TTC39A: variants seen among roughly 807,000 people sequenced by gnomAD.
The protein encoded by TTC39A is tetratricopeptide repeat protein 39A.
TTC39A carries 46 observed loss-of-function variants against 82.3 expected under a neutral mutation model. That is an observed-to-expected ratio of 0.56 (90% confidence interval 0.44 to 0.71). The LOEUF is 0.71. TTC39A is among the 30% of genes least tolerant of loss of function. The pLI, the probability that TTC39A is intolerant of heterozygous loss-of-function variation, is 0.00. For synonymous variants in TTC39A, 254 were observed against 275.2 expected, an observed-to-expected ratio of 0.92 and a Z score of 0.76; for missense variants, 543 against 712.9, an observed-to-expected ratio of 0.76 and a Z score of 2.71.
intron 2 of TTC39A, among the ~76,000 whole-genome samples, chr1:51,320,615 C>A (rs1645475215): frequency 2.0e-5 from 3 of 151,348 alleles, no homozygotes; most frequent in Admixed American, 2.0e-4. Context: ...CCACACCCAG[C>A]TAATTTTTTG....
chr1:51,309,744 G>A (rs930429631), intron 5 of TTC39A, among the ~76,000 whole-genome samples: 2 of 152,128 alleles, frequency 1.3e-5, no homozygotes, highest in Non-Finnish European at 2.9e-5. Context: ...TACACCCAAC[G>A]GAAACGGATG....
Position 51,321,905 on chromosome 1 carries a change from G to C in TTC39A, c.42-80C>G, listed in dbSNP as rs1645536652. On this transcript the variant is annotated intron_variant, in intron 1 of 17. Coordinates refer to ENST00000680483, the MANE Select transcript of TTC39A (RefSeq NM_001297663.2). The surrounding 1 kb of genome is among the most constrained non-coding windows in gnomAD (Gnocchi z 4.6). ...CCTGGCTGGAACAGAGCCTCACAGG[G>C]TCTACTCAGCCTCCCTGGCCAGCCT... The C allele has an allele frequency of 2.8e-6, 4 of 1,425,086 alleles. No individual in the cohort carries two copies. Among genetic ancestry groups the C allele is most frequent in the Middle Eastern group, 4.1e-4 (2 of 4,822 alleles). The allele number at this position is 1,425,086 out of a possible 1,614,324, so 88.3% of individuals were successfully genotyped here.
chr1:51,329,013 T>G (rs1303845486), intron 1 of TTC39A, among the ~76,000 whole-genome samples: 1 of 152,126 alleles, frequency 6.6e-6, no homozygotes, highest in Non-Finnish European at 1.5e-5. Flanking sequence ...TGGGCAGGCA[T>G]GCAGAGAGGC....
chr1:51,313,061 C>T, intron 2 of TTC39A, 118 bp from the exon 3 acceptor site: 1 of 1,398,306 alleles, frequency 7.2e-7, no homozygotes, highest in Non-Finnish European at 9.7e-7. Flanking sequence ...ACCAGAGGTC[C>T]AGGCACGGGG....
At chr1:51,343,730 G>C (rs1646064336) in intron 1 of TTC39A, among the ~76,000 whole-genome samples, 1 of 152,196 alleles carries the variant, frequency 6.6e-6, no homozygotes, top group Non-Finnish European at 1.5e-5. Context: ...AAGGCTGAAT[G>C]AGAGTCACCA....
At chr1:51,327,020 C>T (rs1645736618) in intron 1 of TTC39A, among the ~76,000 whole-genome samples, 1 of 152,216 alleles carries the variant, frequency 6.6e-6, no homozygotes, top group African/African-American at 2.4e-5. Context: ...GAGAAGGGAG[C>T]TAGAGGGTGG....
At position 51,321,693 on chromosome 1, in the gene TTC39A, C is replaced by T. The variant is rs770501638; in HGVS notation, c.146+28G>A. On this transcript the variant is annotated intron_variant, in intron 2 of 17. Transcript: ENST00000680483. The surrounding 1 kb of genome is among the most constrained non-coding windows in gnomAD (Gnocchi z 4.6). The stretch of plus-strand genomic sequence containing the variant: ...TTCTCCCTGACCGTCATGCACACCC[C>T]CTACCCCAACCGGGGCTTGAGCCTC... 17 of 1,606,438 alleles carry T rather than the reference C, an allele frequency of 1.1e-5. 1 individual carries two copies. The South Asian group carries it at 1.6e-4, about 15-fold the overall frequency.
intron 1 of TTC39A, among the ~76,000 whole-genome samples, chr1:51,329,025 G>C (rs1645813453): frequency 6.6e-6 from 1 of 152,172 alleles, no homozygotes; most frequent in South Asian, 2.1e-4. Context: ...CAGAGAGGCA[G>C]GTACGGTTCT....
upstream of TTC39A, among the ~76,000 whole-genome samples, chr1:51,336,081 A>G (rs1176079839): frequency 2.6e-5 from 4 of 151,584 alleles, no homozygotes; most frequent in Non-Finnish European, 5.9e-5. Context: ...TTCAGAGTCT[A>G]GAACCCTTCC....
chr1:51,314,135 G>A (rs550963427), intron 2 of TTC39A, among the ~76,000 whole-genome samples: 10 of 152,320 alleles, frequency 6.6e-5, no homozygotes, highest in Admixed American at 5.9e-4. Flanking sequence ...CTCCTTCACC[G>A]ACCCAGGCTC....
Position 51,294,368 on chromosome 1 carries a change from G to A in TTC39A, c.1266+23C>T, listed in dbSNP as rs377080448. The A allele has an allele frequency of 7.8e-5, 126 of 1,613,658 alleles. No individual in the cohort carries two copies. Among genetic ancestry groups the A allele is most frequent in the South Asian group, 3.1e-4 (28 of 91,066 alleles). On this transcript the variant is annotated intron_variant, in intron 14 of 17. Coordinates refer to ENST00000680483, the MANE Select transcript of TTC39A (RefSeq NM_001297663.2). The surrounding 1 kb of genome is among the most constrained non-coding windows in gnomAD (Gnocchi z 4.3). ...CACAATCCTATACCCGGAGGGCAGC[G>A]CCAGTCCAGACCTCCTACCCACCAG...
chr1:51,331,085 C>A, upstream of TTC39A: 1 of 1,094,668 alleles, frequency 9.1e-7, no homozygotes, highest in Non-Finnish European at 1.4e-6. Context: ...AAATGATCCC[C>A]ATAATTGCTA....
chr1:51,340,357 G>A (rs985566628), intron 1 of TTC39A, among the ~76,000 whole-genome samples: 4 of 152,166 alleles, frequency 2.6e-5, no homozygotes, highest in African/African-American at 9.7e-5. Flanking sequence ...GGGTCCATGA[G>A]GGACCTTTCA....
intron 12 of TTC39A, 81 bp from the exon 13 acceptor site, chr1:51,296,251 CGT>C (rs1276685015): frequency 2.2e-6 from 3 of 1,356,792 alleles, no homozygotes; most frequent in Non-Finnish European, 3.1e-6. Context: ...ACGGACCTCA[CGT>C]GGCCCAGCAC....
At chr1:51,341,510 TAAATGTTCCAAGTTTGAACCCCTC>T in intron 1 of TTC39A, among the ~76,000 whole-genome samples, 1 of 152,122 alleles carries the variant, frequency 6.6e-6, no homozygotes, top group African/African-American at 2.4e-5. Flanking sequence ...CAAAAGGACC[TAAATGTTCCAAGTTTGAACCCCTC>T]CATAACTGAT....
chr1:51,331,491 G>C, upstream of TTC39A: 1 of 1,338,044 alleles, frequency 7.5e-7, no homozygotes. Context: ...AAGGACTGTA[G>C]CTCCCCTGGA....
At chr1:51,293,651 T>C (rs923426452) in intron 14 of TTC39A, among the ~76,000 whole-genome samples, 2 of 152,308 alleles carry the variant, frequency 1.3e-5, no homozygotes, top group East Asian at 3.9e-4. Context: ...CTTTTCTGGC[T>C]CCCTTACTAC....
chr1:51,344,952 G>T (rs1286845906), intron 1 of TTC39A: 35 of 1,524,828 alleles, frequency 2.3e-5, no homozygotes, highest in Non-Finnish European at 3.0e-5. Flanking sequence ...CCTTGGTCCC[G>T]TCCGCGCCTT....
chr1:51,302,868 A>T (rs904135596), intron 9 of TTC39A, among the ~76,000 whole-genome samples: 23 of 152,158 alleles, frequency 1.5e-4, no homozygotes, highest in African/African-American at 5.3e-4. Flanking sequence ...AACCACCCCC[A>T]TTTCACAGAT....
Sources: allele counts gnomAD v4.1 joint callset (sites outside exome capture counted in the v4.1 genomes callset), GRCh38; gene constraint gnomAD v4.1.1; non-coding constraint Gnocchi (gnomAD v3.1); transcripts MANE v1.5; gene names NCBI Gene and HGNC (gene_info 2026-07-23, HGNC 2026-07-21).